The following DNAAF5 variants were observed in gnomAD, a reference collection of about 807,000 sequenced individuals.
DNAAF5 encodes the protein dynein axonemal assembly factor 5.
Under a neutral mutation model 75.8 loss-of-function variants are expected in DNAAF5, and 64 were observed. That is an observed-to-expected ratio of 0.84 (90% CI 0.69 to 1.04). The LOEUF is 1.04. DNAAF5 is among the 50% of genes least tolerant of loss of function. The pLI is 0.00. For missense variants in DNAAF5, 1,269 were observed against 1,178.5 expected (o/e 1.08, Z -1.12); for synonymous variants, 657 against 557.2 (o/e 1.18, Z -2.52).
chr7:746,383 C>T (rs112160399), intron 4 of DNAAF5, among the ~76,000 whole-genome samples: 10 of 88,454 alleles, frequency 1.1e-4, no homozygotes, highest in Admixed American at 3.3e-4. Context: ...CCAACATGCC[C>T]AGGGCCTGTG....
rs758269559 is a variant in DNAAF5, at chr7:785,516, G to A, written c.2432-1G>A. On this transcript the variant is annotated splice_acceptor_variant, in intron 12 of 12. Transcript: ENST00000297440. LOFTEE classifies it high-confidence loss of function. Reference sequence around the variant, plus strand: ...GTTCAAGGTGTTTTTCTGTTTTACAGAGGTCCTCAAAGAGGGCAGCGGGCT... The same window carrying A: ...GTTCAAGGTGTTTTTCTGTTTTACAAAGGTCCTCAAAGAGGGCAGCGGGCT... 6.2e-7 allele frequency: 1 copy of A among 1,613,628 alleles called. No individual in the cohort carries two copies. Among genetic ancestry groups the A allele is most frequent in the Admixed American group, 1.7e-5 (1 of 60,002 alleles).
chr7:772,990 C>G (rs1297194758), intron 9 of DNAAF5: 1 of 151,642 alleles, frequency 6.6e-6, no homozygotes, highest in Non-Finnish European at 1.5e-5. Flanking sequence ...TTTAAAAAAA[C>G]CTAAGCACTC....
intron 12 of DNAAF5, 151 bp from the exon 13 acceptor site, chr7:785,366 T>C: frequency 1.2e-6 from 1 of 815,126 alleles, no homozygotes; most frequent in South Asian, 1.6e-5. Flanking sequence ...GTATCCGCAT[T>C]GTGACTACTG....
At chr7:772,808 A>C (rs1392542515) in intron 9 of DNAAF5, 1 of 152,132 alleles carries the variant, frequency 6.6e-6, no homozygotes. Context: ...AGATTGCGCC[A>C]TTTCACTCCA....
At chr7:757,079 T>TC in intron 6 of DNAAF5, 85 bp downstream of exon 6, 1 of 1,346,676 alleles carries the variant, frequency 7.4e-7, no homozygotes. Flanking sequence ...TGTCTGTGGG[T>TC]TGCCCTGTGC....
intron 12 of DNAAF5, among the ~76,000 whole-genome samples, chr7:785,144 G>C (rs1236822716): frequency 1.3e-5 from 2 of 152,220 alleles, no homozygotes; most frequent in African/African-American, 4.8e-5. Flanking sequence ...AGCAGCATCA[G>C]GTCACTTGTA....
Position 770,455 on chromosome 7 carries a change from C to T in DNAAF5, c.1784-16C>T, listed in dbSNP as rs1011903768. 1.9e-6 allele frequency: 3 copies of T among 1,610,858 alleles called. No homozygotes were observed. The highest frequency in any genetic ancestry group is 1.3e-5 in the African/African-American group (1 of 74,898). ...TCCTGAGGGCCGTGCACAGGAGCCT[C>T]TGTTGTGTCTTACAGGCCCTGCCCT... On this transcript the variant is annotated splice_polypyrimidine_tract_variant and intron_variant, in intron 8 of 12. Transcript: ENST00000297440.
chr7:763,926 G>T lies in DNAAF5; in HGVS notation c.1735G>T (p.Ala579Ser), dbSNP rs769804298. The T allele has an allele frequency of 6.2e-7, 1 of 1,609,826 alleles. No homozygotes were observed. The highest frequency in any genetic ancestry group is 1.1e-5 in the South Asian group (1 of 91,086). Residue 579 changes from alanine to serine, a missense_variant, in exon 8 of 13, where the codon GCA becomes TCA. Transcript: ENST00000297440. Reference sequence around the variant, plus strand: ...GACCGCGTCGCACCTTGACTGGACCGCACACTCGCCGGAGCTCCTGCAGTT... The same window carrying T: ...GACCGCGTCGCACCTTGACTGGACCTCACACTCGCCGGAGCTCCTGCAGTT... ...RVTASHLDWTAHSPELLQFSV... is the reference protein window; with the variant it reads ...RVTASHLDWTSHSPELLQFSV...
chr7:782,182 C>T (rs1020202881), intron 12 of DNAAF5, among the ~76,000 whole-genome samples: 1 of 152,070 alleles, frequency 6.6e-6, no homozygotes, highest in Non-Finnish European at 1.5e-5. Flanking sequence ...CCTCCCGACA[C>T]GCGGCGTCAG....
intron 2 of DNAAF5, 118 bp from the exon 3 acceptor site, chr7:740,701 C>T (rs1442515201): frequency 2.6e-5 from 37 of 1,426,444 alleles, no homozygotes; most frequent in Non-Finnish European, 3.4e-5. Context: ...GGCCCAGGAC[C>T]TGGCCGTGCC....
chr7:729,652 C>T lies in DNAAF5; in HGVS notation c.596-11C>T. ...GCAGCTCTGGTAACTGGGGGCCTCC[C>T]TGTCCCTCAGACCACTTCCACATGC... On this transcript the variant is annotated splice_polypyrimidine_tract_variant and intron_variant, in intron 1 of 12. Coordinates refer to ENST00000297440, the MANE Select transcript of DNAAF5 (RefSeq NM_017802.4). 1.2e-6 allele frequency: 2 copies of T among 1,610,960 alleles called. No individual in the cohort carries two copies. Among genetic ancestry groups the T allele is most frequent in the South Asian group, 2.2e-5 (2 of 90,926 alleles).
chr7:738,650 T>C (rs1434177423), intron 2 of DNAAF5, among the ~76,000 whole-genome samples: 2 of 152,200 alleles, frequency 1.3e-5, no homozygotes, highest in African/African-American at 4.8e-5. Flanking sequence ...CAGTGCTGTT[T>C]TTGAACTAAA....
At chr7:737,492 C>G (rs185314066) in intron 2 of DNAAF5, among the ~76,000 whole-genome samples, 4 of 152,334 alleles carry the variant, frequency 2.6e-5, no homozygotes, top group South Asian at 2.1e-4. Flanking sequence ...TTGTGTTGTT[C>G]TGTGTGCTTA....
At chr7:784,742 TC>T (rs1779095601) in intron 12 of DNAAF5, among the ~76,000 whole-genome samples, 1 of 152,214 alleles carries the variant, frequency 6.6e-6, no homozygotes, top group African/African-American at 2.4e-5. Context: ...TGAATTGGCA[TC>T]CGCAAATTGG....
chr7:741,590 T>A, intron 4 of DNAAF5, 125 bp downstream of exon 4: 1 of 633,802 alleles, frequency 1.6e-6, no homozygotes, highest in Non-Finnish European at 2.8e-6. Context: ...GTCGGAAAGG[T>A]GCAGGCGTCT....
intron 2 of DNAAF5, among the ~76,000 whole-genome samples, chr7:738,107 C>T (rs1781792502): frequency 6.6e-6 from 1 of 152,132 alleles, no homozygotes; most frequent in Non-Finnish European, 1.5e-5. Context: ...TCTTTCTATT[C>T]TTTTTTCTTT....
intron 4 of DNAAF5, among the ~76,000 whole-genome samples, chr7:753,762 G>A (rs1044852152): frequency 2.0e-5 from 3 of 148,436 alleles, no homozygotes; most frequent in African/African-American, 2.5e-5. Flanking sequence ...ATATGGCGAC[G>A]GCTTCGCAGG....
chr7:741,265 G>T (rs1781899927), intron 3 of DNAAF5, 82 bp from the exon 4 acceptor site: 2 of 1,033,928 alleles, frequency 1.9e-6, no homozygotes, highest in African/African-American at 1.6e-5. Flanking sequence ...GGGTCTTTGG[G>T]TGACCCGTGT....
chr7:761,104 A>G (rs1782629103), intron 6 of DNAAF5, among the ~76,000 whole-genome samples: 1 of 152,254 alleles, frequency 6.6e-6, no homozygotes. Flanking sequence ...GTGCATCACT[A>G]ACGCAGCTTC....
Sources: allele counts gnomAD v4.1 joint callset (sites outside exome capture counted in the v4.1 genomes callset), GRCh38; gene constraint gnomAD v4.1.1; transcripts MANE v1.5; gene names NCBI Gene and HGNC (gene_info 2026-07-23, HGNC 2026-07-21).